STK32B: variants seen among roughly 807,000 people sequenced by gnomAD.
STK32B encodes the protein serine/threonine-protein kinase 32B.
Under a neutral mutation model 52.6 loss-of-function variants are expected in STK32B, and 43 were observed. The observed-to-expected ratio is 0.82, with a 90% CI of 0.64 to 1.05. The LOEUF is 1.05. Among genes scored for constraint, STK32B ranks in the 50% least tolerant of loss-of-function variants. STK32B has a pLI of 0.00. For missense variants in STK32B, 621 were observed against 534.6 expected, an observed-to-expected ratio of 1.16 and a Z score of -1.59; for synonymous variants, 238 against 204.3, an observed-to-expected ratio of 1.17 and a Z score of -1.41.
intron 3 of STK32B, among the ~76,000 whole-genome samples, chr4:5,321,900 G>A (rs1202577158): frequency 2.0e-5 from 3 of 152,008 alleles, no homozygotes; most frequent in Admixed American, 6.6e-5. Context: ...GCTAACCAGC[G>A]TCCTTCGACT....
chr4:5,201,779 AACTC>A (rs1722169066), intron 3 of STK32B, among the ~76,000 whole-genome samples: 1 of 152,116 alleles, frequency 6.6e-6, no homozygotes, highest in Non-Finnish European at 1.5e-5. Context: ...ATCTCCTAAG[AACTC>A]ACTCACTGTC....
At chr4:5,435,085 C>A (rs922766862) in intron 6 of STK32B, among the ~76,000 whole-genome samples, 1 of 152,134 alleles carries the variant, frequency 6.6e-6, no homozygotes, top group African/African-American at 2.4e-5. Flanking sequence ...GGCATCTGTT[C>A]CCCACAAAGC....
At chr4:5,120,631 G>A (rs1187100790) in intron 1 of STK32B, among the ~76,000 whole-genome samples, 10 of 152,222 alleles carry the variant, frequency 6.6e-5, no homozygotes, top group African/African-American at 2.2e-4. Flanking sequence ...TGGAAATACT[G>A]TACAAAATAC....
At chr4:5,194,678 G>T (rs1721503209) in intron 3 of STK32B, among the ~76,000 whole-genome samples, 1 of 152,158 alleles carries the variant, frequency 6.6e-6, no homozygotes, top group African/African-American at 2.4e-5. Context: ...ACCTGAGACT[G>T]GGTAATTTAT....
In STK32B at chr4:5,492,047, G is replaced by C. The variant is rs573453959; in HGVS notation, c.1107-6898G>C. On this transcript the variant is annotated intron_variant, in intron 11 of 11. Transcript: ENST00000282908. ...AGCTTTGTTCTTTTGGCTTAGGATTGACTTGGCAATGCGGGCTCTTTTTTG... is the reference window on the plus strand; with the variant it reads ...AGCTTTGTTCTTTTGGCTTAGGATTCACTTGGCAATGCGGGCTCTTTTTTG... Among the ~76,000 whole-genome samples, 8 of 152,196 alleles carry C rather than the reference G, an allele frequency of 5.3e-5. No individual in the cohort carries two copies. In the East Asian group the frequency reaches 1.2e-3, roughly 22 times the overall value.
intron 3 of STK32B, among the ~76,000 whole-genome samples, chr4:5,320,228 G>A (rs1731398451): frequency 6.6e-6 from 1 of 152,092 alleles, no homozygotes; most frequent in South Asian, 2.1e-4. Context: ...ACATCTGGTT[G>A]ATGAATGATT....
At chr4:5,244,706 G>T (rs1350440380) in intron 3 of STK32B, among the ~76,000 whole-genome samples, 1 of 152,004 alleles carries the variant, frequency 6.6e-6, no homozygotes, top group Non-Finnish European at 1.5e-5. Flanking sequence ...TTTCTCTTGT[G>T]GGCATTTACT....
At chr4:5,191,400 A>G (rs563415388) in intron 3 of STK32B, among the ~76,000 whole-genome samples, 1 of 151,986 alleles carries the variant, frequency 6.6e-6, no homozygotes, top group East Asian at 1.9e-4. Flanking sequence ...ACAGGCGCAC[A>G]CCACCACGCC....
chr4:5,068,689 A>G (rs895264432), intron 1 of STK32B, among the ~76,000 whole-genome samples: 1 of 152,110 alleles, frequency 6.6e-6, no homozygotes, highest in East Asian at 1.9e-4. Flanking sequence ...TACCTGTACT[A>G]TTGTTTAATA....
rs564980091 is a variant in STK32B at position 5,188,564 on chromosome 4, A to C, written c.260+20114A>C. Among the ~76,000 whole-genome samples, 40 of 152,264 alleles carry C rather than the reference A, an allele frequency of 2.6e-4. No homozygotes were observed. In the South Asian group the frequency reaches 7.0e-3, roughly 27 times the overall value. The stretch of plus-strand genomic sequence containing the variant: ...CTTCGCTTCCTTCAGATCTCTGTCT[A>C]CTGTCAGCTTACATTTCAGGTCTTT... On this transcript the variant is annotated intron_variant, in intron 3 of 11. Transcript: ENST00000282908.
intron 5 of STK32B, among the ~76,000 whole-genome samples, chr4:5,404,078 C>A (rs10010358): frequency 0.38 from 57,275 of 151,872 alleles, 13,397 homozygotes; most frequent in African/African-American, 0.66. Context: ...TAAAGTCCTA[C>A]AGACATGGTA....
chr4:5,286,329 GT>G (rs1308069274), intron 3 of STK32B, among the ~76,000 whole-genome samples: 1 of 152,146 alleles, frequency 6.6e-6, no homozygotes, highest in Non-Finnish European at 1.5e-5. Flanking sequence ...TTTAATATAA[GT>G]TTTATGGAAG....
At chr4:5,183,125 CTT>C (rs1720481401) in intron 3 of STK32B, among the ~76,000 whole-genome samples, 1 of 152,146 alleles carries the variant, frequency 6.6e-6, no homozygotes, top group Non-Finnish European at 1.5e-5. Flanking sequence ...TTGGCTTCAA[CTT>C]AAAGTCACCG....
chr4:5,152,796 C>A (rs1312981106), intron 2 of STK32B, among the ~76,000 whole-genome samples: 1 of 152,242 alleles, frequency 6.6e-6, no homozygotes, highest in Non-Finnish European at 1.5e-5. Flanking sequence ...GTGGACACAG[C>A]AGCACTGCCA....
At chr4:5,131,425 TAAAC>T (rs971807619) in intron 1 of STK32B, among the ~76,000 whole-genome samples, 3 of 152,226 alleles carry the variant, frequency 2.0e-5, no homozygotes, top group African/African-American at 4.8e-5. Flanking sequence ...CCAAACAGCT[TAAAC>T]AAACATCAAC....
At chr4:5,497,368 A>G (rs1193596530) in intron 11 of STK32B, among the ~76,000 whole-genome samples, 1 of 152,276 alleles carries the variant, frequency 6.6e-6, no homozygotes, top group Non-Finnish European at 1.5e-5. Flanking sequence ...AAGAAGGATG[A>G]TAAGCCACCT....
intron 2 of STK32B, among the ~76,000 whole-genome samples, chr4:5,149,676 A>G (rs1717188507): frequency 1.3e-5 from 2 of 151,992 alleles, no homozygotes; most frequent in South Asian, 4.1e-4. Flanking sequence ...GCAGCTTCTT[A>G]AATTATAAAT....
chr4:5,366,788 A>G (rs965668061), intron 4 of STK32B, among the ~76,000 whole-genome samples: 3 of 152,224 alleles, frequency 2.0e-5, no homozygotes, highest in African/African-American at 7.2e-5. Flanking sequence ...AGCAAATCTG[A>G]GTAAACGATA....
intron 2 of STK32B, among the ~76,000 whole-genome samples, chr4:5,161,484 G>A (rs1169393021): frequency 5.3e-5 from 8 of 152,158 alleles, no homozygotes; most frequent in South Asian, 4.1e-4. Flanking sequence ...CATTACATCC[G>A]TGTTCAAGGT....
Sources: allele counts gnomAD v4.1 joint callset (sites outside exome capture counted in the v4.1 genomes callset), GRCh38; gene constraint gnomAD v4.1.1; transcripts MANE v1.5; gene names NCBI Gene and HGNC (gene_info 2026-07-23, HGNC 2026-07-21).